Variants in VDAC1 observed in about 807,000 individuals in gnomAD.
VDAC1 encodes voltage dependent anion channel 1, also known as non-selective voltage-gated ion channel VDAC1.
In VDAC1, 10 loss-of-function variants were observed where a neutral mutation model predicts 34.7. The observed-to-expected ratio is 0.29, with a 90% CI of 0.18 to 0.49. The LOEUF (loss-of-function observed/expected upper bound fraction) is 0.49, where lower values mean the gene tolerates loss of function less well. Among genes scored for constraint, VDAC1 ranks in the 20% least tolerant of loss-of-function variants. The pLI, the probability that VDAC1 is intolerant of heterozygous loss-of-function variation, is 0.99. For synonymous variants in VDAC1, 130 were observed against 136.0 expected, an observed-to-expected ratio of 0.96 and a Z score of 0.30; for missense variants, 230 against 347.9, an observed-to-expected ratio of 0.66 and a Z score of 2.69.
chr5:134,004,253 G>T (rs549959992), intron 1 of VDAC1, among the ~76,000 whole-genome samples: 1 of 151,934 alleles, frequency 6.6e-6, no homozygotes, highest in Non-Finnish European at 1.5e-5. Flanking sequence ...GGCGGCGAAC[G>T]GGTCCCCGCC....
At chr5:134,104,884 C>A in the VDAC1 span, among the ~76,000 whole-genome samples, 4 of 152,242 alleles carry the variant, frequency 2.6e-5, no homozygotes, top group Admixed American at 6.5e-5. Context: ...CCTGCCACGC[C>A]CAATCCCAGA....
rs769931323 is a variant in VDAC1 at position 133,973,837 on chromosome 5, G to T, written c.714C>A (p.Asn238Lys). 1 of 1,612,954 alleles carries T rather than the reference G, an allele frequency of 6.2e-7. No individual in the cohort carries two copies. Among genetic ancestry groups the T allele is most frequent in the Non-Finnish European group, 8.5e-7 (1 of 1,179,768 alleles). The change falls in exon 8 of 9, where the codon AAC becomes AAA. Residue 238 changes from asparagine (N) to lysine (K), a missense_variant. Physicochemically the swap from Asn to Lys is moderately conservative, Grantham distance 94 (BLOSUM62 0). Coordinates refer to ENST00000265333, the MANE Select transcript of VDAC1 (RefSeq NM_003374.3). ...ATCCTAAACCTATCAGGCTGGAGTT[G>T]TTCACTTTAGCCTAATCAAGGAAAT... ...DPDACFSAKV[N>K]NSSLIGLGYT...
chr5:134,047,883 C>T, the VDAC1 span, among the ~76,000 whole-genome samples: 257 of 151,790 alleles, frequency 1.7e-3, 2 homozygotes, highest in African/African-American at 5.5e-3. Flanking sequence ...ATGAACATGA[C>T]GGCATGACAT....
At chr5:134,033,497 G>A in the VDAC1 span, among the ~76,000 whole-genome samples, 3 of 151,774 alleles carry the variant, frequency 2.0e-5, no homozygotes, top group East Asian at 3.9e-4. Flanking sequence ...GGCCTAGAGC[G>A]GCAGGCAGGT....
the VDAC1 span, among the ~76,000 whole-genome samples, chr5:134,087,577 G>A: frequency 9.2e-5 from 14 of 152,210 alleles, no homozygotes; most frequent in African/African-American, 3.4e-4. Context: ...AAGAGCGGCC[G>A]GGCATGGTGG....
chr5:134,019,279 G>A, the VDAC1 span, among the ~76,000 whole-genome samples: 5 of 152,160 alleles, frequency 3.3e-5, no homozygotes, highest in Middle Eastern at 3.4e-3. Flanking sequence ...ACAAAAGACT[G>A]CAAAAACCAC....
At chr5:134,053,608 C>CA in the VDAC1 span, among the ~76,000 whole-genome samples, 3 of 152,208 alleles carry the variant, frequency 2.0e-5, no homozygotes, top group Non-Finnish European at 4.4e-5. Context: ...AGGTTATGGA[C>CA]ACCCCATCCT....
intron 5 of VDAC1, among the ~76,000 whole-genome samples, chr5:133,985,032 C>T (rs553723320): frequency 1.3e-5 from 2 of 152,168 alleles, no homozygotes; most frequent in South Asian, 2.1e-4. Flanking sequence ...TGGTCTAAGA[C>T]ATGCACATGT....
chr5:133,991,406 C>G (rs1381600478), intron 3 of VDAC1, among the ~76,000 whole-genome samples: 2 of 152,214 alleles, frequency 1.3e-5, no homozygotes, highest in African/African-American at 4.8e-5. Flanking sequence ...TCAGTCTGGA[C>G]AGGAAAGCAT....
chr5:134,108,463 C>T, the VDAC1 span, among the ~76,000 whole-genome samples: 1 of 152,140 alleles, frequency 6.6e-6, no homozygotes, highest in Admixed American at 6.5e-5. Flanking sequence ...TGGTACAGGT[C>T]CTCTTCAAAT....
At chr5:134,017,770 G>A in the VDAC1 span, among the ~76,000 whole-genome samples, 19 of 152,122 alleles carry the variant, frequency 1.2e-4, no homozygotes, top group South Asian at 4.2e-4. Context: ...AAAATTAGCC[G>A]GGCTTAGTGG....
chr5:133,988,272 T>C (rs2126958606), intron 5 of VDAC1, among the ~76,000 whole-genome samples: 1 of 152,136 alleles, frequency 6.6e-6, no homozygotes, highest in East Asian at 1.9e-4. Context: ...ATAAAATTAT[T>C]TTGAAATAAA....
upstream of VDAC1, among the ~76,000 whole-genome samples, chr5:134,008,022 T>C (rs1035279335): frequency 7.9e-5 from 12 of 152,124 alleles, no homozygotes; most frequent in African/African-American, 2.7e-4. Flanking sequence ...TCAGCAAGCT[T>C]TCATGGAGCT....
the VDAC1 span, among the ~76,000 whole-genome samples, chr5:134,097,853 C>CTTTCTT: frequency 2.0e-5 from 3 of 151,994 alleles, no homozygotes; most frequent in Non-Finnish European, 4.4e-5. Context: ...ACAAGGATTC[C>CTTTCTT]TTTCTTTTTC....
At chr5:134,032,576 G>T in the VDAC1 span, among the ~76,000 whole-genome samples, 1 of 152,172 alleles carries the variant, frequency 6.6e-6, no homozygotes, top group Non-Finnish European at 1.5e-5. Flanking sequence ...ATGGAAGAAT[G>T]GTTGAATGAG....
chr5:134,067,612 T>TA, the VDAC1 span, among the ~76,000 whole-genome samples: 4,248 of 93,394 alleles, frequency 0.045, 76 homozygotes, highest in Middle Eastern at 0.059. Context: ...CTCTCTTTTT[T>TA]AAAAAAAGAA....
intron 6 of VDAC1, chr5:133,976,257 G>A (rs181649277): frequency 2.2e-6 from 1 of 446,720 alleles, no homozygotes; most frequent in East Asian, 4.2e-5. Flanking sequence ...TGTAATCCCA[G>A]CACTTTGGGA....
chr5:134,106,105 G>A, the VDAC1 span, among the ~76,000 whole-genome samples: 2 of 152,202 alleles, frequency 1.3e-5, no homozygotes, highest in Non-Finnish European at 2.9e-5. Context: ...CCCCGGTCCT[G>A]GAGACAGACC....
chr5:133,983,078 C>T (rs1369119126), intron 5 of VDAC1, among the ~76,000 whole-genome samples: 1 of 150,626 alleles, frequency 6.6e-6, no homozygotes, highest in African/African-American at 2.4e-5. Context: ...GGAGAAATCC[C>T]GTCTCTACTA....
Sources: allele counts gnomAD v4.1 joint callset (sites outside exome capture counted in the v4.1 genomes callset), GRCh38; gene constraint gnomAD v4.1.1; transcripts MANE v1.5; gene names NCBI Gene and HGNC (gene_info 2026-07-23, HGNC 2026-07-21).